The following NEGR1 variants were observed in gnomAD, a reference collection of about 807,000 sequenced individuals.
NEGR1 encodes IgLON family member 4.
NEGR1 carries 10 observed loss-of-function variants against 40.9 expected under a neutral mutation model. The ratio of observed to expected loss-of-function variants is 0.24; its 90% CI spans 0.15 to 0.42. The LOEUF is 0.42. Among genes scored for constraint, NEGR1 ranks in the 10% least tolerant of loss-of-function variants. The pLI, the probability that NEGR1 is intolerant of heterozygous loss-of-function variation, is 1.00. For missense variants in NEGR1, 352 were observed against 438.9 expected (o/e 0.80, Z 1.77); for synonymous variants, 185 against 166.8 (o/e 1.11, Z -0.84).
chr1:71,734,577 C>T (rs760329333), intron 3 of NEGR1, among the ~76,000 whole-genome samples: 1 of 152,060 alleles, frequency 6.6e-6, no homozygotes, highest in Non-Finnish European at 1.5e-5. Context: ...TTTAATTTTA[C>T]TAAAGTAAAA....
At chr1:72,227,089 G>A (rs1654215588) in intron 1 of NEGR1, among the ~76,000 whole-genome samples, 1 of 152,018 alleles carries the variant, frequency 6.6e-6, no homozygotes, top group Admixed American at 6.6e-5. Context: ...ATGGACTTTG[G>A]AATCAGAGCT....
intron 6 of NEGR1, among the ~76,000 whole-genome samples, chr1:71,471,404 G>A (rs182475460): frequency 6.6e-6 from 1 of 152,240 alleles, no homozygotes; most frequent in Admixed American, 6.5e-5. Context: ...CCAGCACTTT[G>A]AGAGGCCTTG....
At chr1:72,280,683 T>C (rs1201710916) in intron 1 of NEGR1, among the ~76,000 whole-genome samples, 1 of 152,176 alleles carries the variant, frequency 6.6e-6, no homozygotes, top group Non-Finnish European at 1.5e-5. Context: ...TAAAAACATA[T>C]GTATTAGTGT....
intron 2 of NEGR1, among the ~76,000 whole-genome samples, chr1:71,903,838 A>AT (rs1416427987): frequency 1.3e-5 from 2 of 151,604 alleles, no homozygotes; most frequent in African/African-American, 4.8e-5. Context: ...ATATATATAT[A>AT]AAAAATGATG....
intron 6 of NEGR1, among the ~76,000 whole-genome samples, chr1:71,553,957 A>C (rs1300567145): frequency 6.6e-6 from 1 of 151,520 alleles, no homozygotes; most frequent in Non-Finnish European, 1.5e-5. Flanking sequence ...AAAAAATAAG[A>C]GTTAATAGTA....
chr1:71,569,939 G>A (rs1648757063), intron 6 of NEGR1, among the ~76,000 whole-genome samples: 1 of 152,076 alleles, frequency 6.6e-6, no homozygotes, highest in Non-Finnish European at 1.5e-5. Flanking sequence ...CAGTGTTGGT[G>A]GTTATAGAGT....
At chr1:71,861,202 CTT>C (rs1279458515) in intron 2 of NEGR1, among the ~76,000 whole-genome samples, 1 of 152,000 alleles carries the variant, frequency 6.6e-6, no homozygotes, top group African/African-American at 2.4e-5. Flanking sequence ...TCCTTCATCT[CTT>C]TGTGACTCAT....
At chr1:72,057,362 C>T (rs551539932) in intron 1 of NEGR1, among the ~76,000 whole-genome samples, 63 of 151,436 alleles carry the variant, frequency 4.2e-4, no homozygotes, top group Non-Finnish European at 8.3e-4. Flanking sequence ...GTATAATAGT[C>T]TGTACAAGTC....
intron 2 of NEGR1, among the ~76,000 whole-genome samples, chr1:71,931,803 ATATT>A (rs999634546): frequency 5.3e-5 from 8 of 152,170 alleles, no homozygotes; most frequent in Admixed American, 5.2e-4. Context: ...GGCAGTGTCT[ATATT>A]TCATGTTTCT....
intron 6 of NEGR1, among the ~76,000 whole-genome samples, chr1:71,473,171 A>C (rs1646793543): frequency 6.6e-6 from 1 of 152,102 alleles, no homozygotes; most frequent in Admixed American, 6.6e-5. Context: ...TTAAACATAT[A>C]AGTACTAAGA....
At chr1:72,132,861 G>C (rs868461468) in intron 1 of NEGR1, among the ~76,000 whole-genome samples, 43 of 152,090 alleles carry the variant, frequency 2.8e-4, no homozygotes, top group Admixed American at 2.3e-3. Flanking sequence ...GACTAATCAA[G>C]AGTGGAGTAG....
chr1:71,967,863 T>C (rs1421038738), intron 1 of NEGR1, among the ~76,000 whole-genome samples: 2 of 152,226 alleles, frequency 1.3e-5, no homozygotes, highest in African/African-American at 4.8e-5. Flanking sequence ...CACAGACTTA[T>C]GAGCAGTGCC....
intron 1 of NEGR1, among the ~76,000 whole-genome samples, chr1:72,100,555 C>T (rs1405420326): frequency 6.6e-6 from 1 of 152,148 alleles, no homozygotes; most frequent in Non-Finnish European, 1.5e-5. Flanking sequence ...AACTGCAATT[C>T]ATTCAATTGT....
chr1:71,460,596 T>C (rs181401735), intron 6 of NEGR1, among the ~76,000 whole-genome samples: 134 of 152,338 alleles, frequency 8.8e-4, no homozygotes, highest in Admixed American at 5.8e-3. Flanking sequence ...TGATACTTAG[T>C]GTATCTTGTG....
intron 2 of NEGR1, among the ~76,000 whole-genome samples, chr1:71,909,634 C>T (rs1455021323): frequency 6.6e-6 from 1 of 152,134 alleles, no homozygotes; most frequent in Admixed American, 6.6e-5. Context: ...TCAGTTTTAA[C>T]TGGAAAGGGG....
intron 1 of NEGR1, among the ~76,000 whole-genome samples, chr1:72,190,574 TA>T (rs1652785282): frequency 6.6e-6 from 1 of 151,718 alleles, no homozygotes. Context: ...CACACAATTT[TA>T]CTTTCTGTCA....
intron 1 of NEGR1, among the ~76,000 whole-genome samples, chr1:72,128,490 A>C (rs1209683000): frequency 6.6e-6 from 1 of 152,206 alleles, no homozygotes; most frequent in Non-Finnish European, 1.5e-5. Context: ...ATAATAGATA[A>C]TATTCACAAG....
intron 2 of NEGR1, among the ~76,000 whole-genome samples, chr1:71,854,660 C>T (rs775430166): frequency 1.3e-5 from 2 of 151,992 alleles, no homozygotes; most frequent in Non-Finnish European, 2.9e-5. Flanking sequence ...AGGAAAGTTA[C>T]AATCATGGAG....
At chr1:71,557,407 T>C (rs1570027978) in intron 6 of NEGR1, among the ~76,000 whole-genome samples, 1 of 151,720 alleles carries the variant, frequency 6.6e-6, no homozygotes, top group South Asian at 2.1e-4. Flanking sequence ...AAGAAGGATG[T>C]CAACTTTAGA....
Sources: gnomAD v4.1 joint callset for allele counts (sites outside exome capture counted in the v4.1 genomes callset) on GRCh38, gnomAD v4.1.1 for gene constraint, MANE v1.5 for transcripts, NCBI Gene and HGNC (gene_info 2026-07-23, HGNC 2026-07-21) for gene names.